The following MAN1A2 variants were observed in gnomAD, a reference collection of about 807,000 sequenced individuals.
MAN1A2 encodes the protein mannosyl-oligosaccharide 1,2-alpha-mannosidase IB.
MAN1A2 carries 26 observed loss-of-function variants against 75.7 expected under a neutral mutation model. The ratio of observed to expected loss-of-function variants is 0.34; its 90% CI spans 0.25 to 0.48. MAN1A2 has a LOEUF of 0.48. Among genes scored for constraint, MAN1A2 ranks in the 20% least tolerant of loss-of-function variants. MAN1A2 has a pLI of 0.99. For synonymous variants in MAN1A2, 247 were observed against 264.6 expected (o/e 0.93, Z 0.65); for missense variants, 562 against 775.5 (o/e 0.72, Z 3.27).
intron 8 of MAN1A2, 73 bp downstream of exon 8, chr1:117,466,500 A>C (rs1570766973): frequency 2.1e-6 from 2 of 968,736 alleles, no homozygotes; most frequent in East Asian, 5.4e-5. Context: ...GATGTTGTAA[A>C]AAGTACACTA....
At chr1:117,457,728 G>A (rs1463802202) in intron 6 of MAN1A2, among the ~76,000 whole-genome samples, 3 of 151,962 alleles carry the variant, frequency 2.0e-5, no homozygotes, top group Non-Finnish European at 4.4e-5. Flanking sequence ...CTTTCTAAAT[G>A]GTATGCTTTA....
At chr1:117,372,808 G>A (rs536667381) in intron 1 of MAN1A2, among the ~76,000 whole-genome samples, 2 of 148,912 alleles carry the variant, frequency 1.3e-5, no homozygotes, top group South Asian at 2.1e-4. Context: ...GATGGGCTTT[G>A]TGAGTTAAAA....
At chr1:117,463,482 T>C (rs1649889091) in intron 7 of MAN1A2, among the ~76,000 whole-genome samples, 1 of 149,078 alleles carries the variant, frequency 6.7e-6, no homozygotes, top group African/African-American at 2.5e-5. Flanking sequence ...GTACTCCAGA[T>C]CTCAAATTGT....
At chr1:117,419,790 G>T (rs927820161) in intron 4 of MAN1A2, among the ~76,000 whole-genome samples, 8 of 151,740 alleles carry the variant, frequency 5.3e-5, no homozygotes, top group Non-Finnish European at 8.8e-5. Flanking sequence ...TACTATATTT[G>T]TGCTGTTTCC....
chr1:117,387,483 A>G (rs1336331725), intron 1 of MAN1A2, among the ~76,000 whole-genome samples: 1 of 152,224 alleles, frequency 6.6e-6, no homozygotes, highest in Non-Finnish European at 1.5e-5. Context: ...TAAACCGCAT[A>G]AGCTATCTCA....
chr1:117,441,480 A>G (rs1379787558), intron 5 of MAN1A2, among the ~76,000 whole-genome samples: 1 of 152,214 alleles, frequency 6.6e-6, no homozygotes, highest in Non-Finnish European at 1.5e-5. Context: ...TTCCTAATAG[A>G]ACATTATGAC....
chr1:117,428,429 A>G (rs1648451100), intron 5 of MAN1A2, among the ~76,000 whole-genome samples: 1 of 151,740 alleles, frequency 6.6e-6, no homozygotes, highest in Non-Finnish European at 1.5e-5. Context: ...AAATATTTAA[A>G]TAAAAAAAAC....
At position 117,420,642 on chromosome 1, in the gene MAN1A2, G is replaced by A; in HGVS notation, c.848G>A (p.Gly283Glu). ...CTACTTGCAGCATATTACCTATCAG[G>A]AGAGGAGGTGAGCAAAATCAAGCAA... The part of the protein sequence containing the change: ...GGLLAAYYLS[G>E]EEIFKIKAVQ... Residue 283 changes from glycine to glutamate, a missense_variant, in exon 5 of 13, where the codon GGA (glycine) becomes GAA (glutamate). Physicochemically the swap from Gly to Glu is moderately conservative, Grantham distance 98. Transcript: ENST00000356554. 2 of 1,611,398 alleles carry A rather than the reference G, an allele frequency of 1.2e-6. No individual in the cohort carries two copies. The highest frequency in any genetic ancestry group is 1.7e-6 in the Non-Finnish European group (2 of 1,177,874).
intron 6 of MAN1A2, among the ~76,000 whole-genome samples, chr1:117,449,653 A>C (rs1000952421): frequency 1.3e-5 from 2 of 152,174 alleles, no homozygotes; most frequent in African/African-American, 4.8e-5. Flanking sequence ...TGTGCCAAAC[A>C]GTCCGCCAAG....
At chr1:117,501,213 T>C (rs1358137020) in intron 11 of MAN1A2, among the ~76,000 whole-genome samples, 1 of 151,806 alleles carries the variant, frequency 6.6e-6, no homozygotes, top group Non-Finnish European at 1.5e-5. Flanking sequence ...ATTTTGCTTT[T>C]GTAGCCTATA....
chr1:117,442,898 A>G (rs72691718), intron 6 of MAN1A2, among the ~76,000 whole-genome samples: 11,608 of 152,192 alleles, frequency 0.076, 496 homozygotes, highest in Middle Eastern at 0.15. Flanking sequence ...CTAATCGAAA[A>G]CATTGGTTTT....
intron 12 of MAN1A2, among the ~76,000 whole-genome samples, chr1:117,521,085 C>T (rs1341397907): frequency 6.6e-6 from 1 of 151,888 alleles, no homozygotes; most frequent in Non-Finnish European, 1.5e-5. Context: ...TTTCAACAAA[C>T]GGTGCTGTGA....
intron 12 of MAN1A2, among the ~76,000 whole-genome samples, chr1:117,509,252 A>G (rs1388169359): frequency 6.6e-6 from 1 of 151,946 alleles, no homozygotes; most frequent in Non-Finnish European, 1.5e-5. Context: ...CAGTTCTTAG[A>G]AAAGAAATGG....
chr1:117,455,868 A>G (rs1305989537), intron 6 of MAN1A2, among the ~76,000 whole-genome samples: 1 of 151,980 alleles, frequency 6.6e-6, no homozygotes, highest in Non-Finnish European at 1.5e-5. Flanking sequence ...CTCTCAAATT[A>G]AATGAAAATG....
chr1:117,398,453 T>C (rs1483393039), intron 1 of MAN1A2, among the ~76,000 whole-genome samples: 1 of 151,930 alleles, frequency 6.6e-6, no homozygotes, highest in East Asian at 1.9e-4. Flanking sequence ...GTGGGTGGAT[T>C]GCCTGAGCTC....
At chr1:117,378,364 T>A (rs760765276) in intron 1 of MAN1A2, among the ~76,000 whole-genome samples, 1 of 152,226 alleles carries the variant, frequency 6.6e-6, no homozygotes, top group Non-Finnish European at 1.5e-5. Context: ...TTTTAAACAT[T>A]ATTTATCATT....
In MAN1A2 at chr1:117,371,685, C is replaced by T. The variant is rs115208294; in HGVS notation, c.302+3200C>T. Reference sequence around the variant, plus strand: ...TATGGCTGTTGCAGAGGGTGTGGGTCTGGGTGATGAGACTAGATGAGAGGT... The same window carrying T: ...TATGGCTGTTGCAGAGGGTGTGGGTTTGGGTGATGAGACTAGATGAGAGGT... On this transcript the variant is annotated intron_variant, in intron 1 of 12. Transcript: ENST00000356554. Among the ~76,000 whole-genome samples the T allele has an allele frequency of 5.8e-3, 883 of 152,174 alleles. 1 individual carries two copies. Among genetic ancestry groups the T allele is most frequent in the Non-Finnish European group, 0.011 (721 of 68,010 alleles).
rs1475138747 is a variant in MAN1A2, at chr1:117,523,726, A to C, written c.*769A>C. On this transcript the variant is annotated 3_prime_UTR_variant, in exon 13 of 13. Coordinates refer to ENST00000356554, the MANE Select transcript of MAN1A2 (RefSeq NM_006699.5). ...CCTGGGTTTGGGATTTTGTGCATGT[A>C]GTTCAGTCTAGTGTTGGTAGCATGA... The C allele has an allele frequency of 1.3e-5, 2 of 154,442 alleles. No individual in the cohort carries two copies. The highest frequency in any genetic ancestry group is 4.8e-5 in the African/African-American group (2 of 41,404). 9.6% of individuals were successfully genotyped at this position (154,442 alleles called of 1,614,324 possible).
chr1:117,446,577 C>T (rs1646816540), intron 6 of MAN1A2, among the ~76,000 whole-genome samples: 1 of 151,950 alleles, frequency 6.6e-6, no homozygotes. Context: ...GTTCAATTGC[C>T]AAATTTTAGG....
Sources: gnomAD v4.1 joint callset for allele counts (sites outside exome capture counted in the v4.1 genomes callset) on GRCh38, gnomAD v4.1.1 for gene constraint, MANE v1.5 for transcripts, NCBI Gene and HGNC (gene_info 2026-07-23, HGNC 2026-07-21) for gene names.